LRRD1: variants seen among roughly 807,000 people sequenced by gnomAD.
LRRD1 encodes the protein leucine-rich repeat and death domain-containing protein 1.
A neutral mutation model predicts 69.5 loss-of-function variants in LRRD1; 49 were observed. The observed-to-expected ratio is 0.70, with a 90% confidence interval of 0.56 to 0.89. The LOEUF (loss-of-function observed/expected upper bound fraction) is 0.89. LRRD1 is among the 40% of genes least tolerant of loss of function. The pLI is 0.00. For synonymous variants in LRRD1, 303 were observed against 338.9 expected, an observed-to-expected ratio of 0.89 and a Z score of 1.16; for missense variants, 853 against 956.0, an observed-to-expected ratio of 0.89 and a Z score of 1.42.
intron 1 of LRRD1, among the ~76,000 whole-genome samples, chr7:92,168,666 A>C (rs1215598480): frequency 5.3e-5 from 8 of 152,254 alleles, no homozygotes; most frequent in Middle Eastern, 3.4e-3. Flanking sequence ...TGGAGAAAAA[A>C]AAAAAAAAAA....
chr7:92,149,429 T>C (rs1278233880), intron 4 of LRRD1, among the ~76,000 whole-genome samples: 2 of 152,096 alleles, frequency 1.3e-5, no homozygotes, highest in Non-Finnish European at 2.9e-5. Flanking sequence ...AAGTGGCAAA[T>C]CAGAGTCCTA....
chr7:92,146,926 A>T (rs1224976120), intron 4 of LRRD1, among the ~76,000 whole-genome samples: 2 of 143,148 alleles, frequency 1.4e-5, no homozygotes, highest in Admixed American at 8.5e-5. Flanking sequence ...CCGTCTCATA[A>T]AAAAAAAAAA....
chr7:92,145,100 ATAGT>A (rs1212111722), intron 5 of LRRD1, 26 bp from the exon 6 acceptor site: 9 of 1,129,480 alleles, frequency 8.0e-6, no homozygotes, highest in East Asian at 3.0e-5. Flanking sequence ...AATAATATTA[ATAGT>A]TAAATATTTA....
At position 92,165,133 on chromosome 7, in the gene LRRD1, ATC is replaced by A. The variant is rs966100264; in HGVS notation, c.68_69del (p.Arg23IlefsTer11). On this transcript the variant is annotated frameshift_variant, in exon 2 of 6. Transcript: ENST00000458448. LOFTEE classifies it high-confidence loss of function. Reference protein sequence around the residue: ...DTISQFRKESRSQSMKEPGFI... With the variant: ...DTISQFRKESXSQSMKEPGFI... Reference sequence around the variant, plus strand: ...AAGCCAGGCTCCTTCATTGACTGTGATCTAGATTCTTTCCTAAATTGACTAAT... The same window carrying A: ...AAGCCAGGCTCCTTCATTGACTGTGATAGATTCTTTCCTAAATTGACTAAT... 4 of 1,550,322 alleles carry A rather than the reference ATC, an allele frequency of 2.6e-6. No individual in the cohort carries two copies. The highest frequency in any genetic ancestry group is 2.6e-6 in the Non-Finnish European group (3 of 1,146,698).
chr7:92,161,095 A>G (rs542601783), intron 2 of LRRD1, among the ~76,000 whole-genome samples: 2 of 152,296 alleles, frequency 1.3e-5, no homozygotes, highest in Admixed American at 6.5e-5. Context: ...CCTTCTCAAC[A>G]TTTACTAGAG....
At chr7:92,167,831 G>C (rs1290555995) in intron 1 of LRRD1, among the ~76,000 whole-genome samples, 2 of 126,962 alleles carry the variant, frequency 1.6e-5, no homozygotes, top group African/African-American at 3.1e-5. Flanking sequence ...GAACCGAGAT[G>C]GCGCCATTGC....
At position 92,170,326 on chromosome 7, in the gene LRRD1, T is replaced by C. The variant is rs550499886; in HGVS notation, c.-74-5050A>G. ...TCTAGAGCAAGAGGTAGAAATCTTA[T>C]TGAAAGAAATAATAACAGAATACTC... On this transcript the variant is annotated intron_variant, in intron 1 of 5. Transcript: ENST00000458448. Among the ~76,000 whole-genome samples, 74 of 152,074 alleles carry C rather than the reference T, an allele frequency of 4.9e-4. 1 individual carries two copies. The highest frequency in any genetic ancestry group is 4.3e-4 in the Non-Finnish European group (29 of 68,022).
chr7:92,142,701 C>G (rs375300863), downstream of LRRD1: 1 of 407,590 alleles, frequency 2.5e-6, no homozygotes, highest in Non-Finnish European at 4.8e-6. Context: ...ATCGTGGTCT[C>G]GCTGGCTCAG....
intron 1 of LRRD1, among the ~76,000 whole-genome samples, chr7:92,167,239 G>A (rs1002336129): frequency 6.6e-6 from 1 of 151,832 alleles, no homozygotes; most frequent in Non-Finnish European, 1.5e-5. Flanking sequence ...GGGACTACAG[G>A]CGCACGCCAC....
chr7:92,144,406 A>T (rs1820259261), downstream of LRRD1, among the ~76,000 whole-genome samples: 1 of 152,140 alleles, frequency 6.6e-6, no homozygotes, highest in Non-Finnish European at 1.5e-5. Flanking sequence ...AGGCGGGCAG[A>T]TCACAAGGTC....
chr7:92,174,510 T>TATATGTATATATATA (rs1491100533), intron 1 of LRRD1, among the ~76,000 whole-genome samples: 1 of 12,610 alleles, frequency 7.9e-5, no homozygotes, highest in Non-Finnish European at 1.2e-4. Flanking sequence ...TATATATATA[T>TATATGTATATATATA]TTTTTTTTTT....
downstream of LRRD1, among the ~76,000 whole-genome samples, chr7:92,143,405 C>T (rs1057000106): frequency 8.0e-5 from 10 of 124,278 alleles, no homozygotes; most frequent in South Asian, 2.4e-4. Context: ...TGGGTCTGGG[C>T]GCCATGGAAC....
chr7:92,164,108 T>C lies in LRRD1; in HGVS notation c.1095A>G (p.Ser365=), dbSNP rs1323656195. 1.3e-6 allele frequency: 2 copies of C among 1,548,954 alleles called. No individual in the cohort carries two copies. Among genetic ancestry groups the C allele is most frequent in the Non-Finnish European group, 1.7e-6 (2 of 1,145,994 alleles). The change falls in exon 2 of 6, where the codon TCA becomes TCG. Residue 365 remains serine, a synonymous_variant. Coordinates refer to ENST00000458448, the MANE Select transcript of LRRD1 (RefSeq NM_001161528.2). ...QLADNKLEVI[S]HKIENFRELR... is the part of the protein sequence containing the mutation. Reference sequence around the variant, plus strand: ...GTTCCCTGAAATTCTCAATTTTGTGTGAAATAACTTCCAATTTATTGTCGG... The same window carrying C: ...GTTCCCTGAAATTCTCAATTTTGTGCGAAATAACTTCCAATTTATTGTCGG...
At chr7:92,142,848 A>T, downstream of LRRD1, 1 of 402,984 alleles carries the variant, frequency 2.5e-6, no homozygotes, top group South Asian at 1.8e-5. Flanking sequence ...TGAGTGTTAC[A>T]GCTCATAAAG....
intron 2 of LRRD1, among the ~76,000 whole-genome samples, chr7:92,160,540 G>C (rs773080614): frequency 6.6e-6 from 1 of 152,130 alleles, no homozygotes; most frequent in Non-Finnish European, 1.5e-5. Context: ...ATGAATAGGC[G>C]GCTGGGCTCG....
intron 2 of LRRD1, among the ~76,000 whole-genome samples, chr7:92,162,738 G>T (rs1299069751): frequency 6.6e-6 from 1 of 152,096 alleles, no homozygotes; most frequent in African/African-American, 2.4e-5. Context: ...TATAAATCAT[G>T]TACTGGTTAT....
chr7:92,147,980 G>C (rs1224139573), intron 4 of LRRD1, among the ~76,000 whole-genome samples: 4 of 152,226 alleles, frequency 2.6e-5, no homozygotes, highest in South Asian at 2.1e-4. Context: ...ACAGTGGCGG[G>C]ATCTCATCTC....
intron 2 of LRRD1, among the ~76,000 whole-genome samples, chr7:92,161,547 G>T (rs1788795672): frequency 6.6e-6 from 1 of 152,206 alleles, no homozygotes; most frequent in African/African-American, 2.4e-5. Context: ...ATAAATCTAT[G>T]CATGAAGTGA....
At chr7:92,165,626 C>T (rs371908776) in intron 1 of LRRD1, among the ~76,000 whole-genome samples, 5 of 151,924 alleles carry the variant, frequency 3.3e-5, no homozygotes, top group African/African-American at 7.2e-5. Flanking sequence ...TTTGGGAGGC[C>T]GAAGGGGCGG....
Sources: gnomAD v4.1 joint callset for allele counts (sites outside exome capture counted in the v4.1 genomes callset) on GRCh38, gnomAD v4.1.1 for gene constraint, MANE v1.5 for transcripts, NCBI Gene and HGNC (gene_info 2026-07-23, HGNC 2026-07-21) for gene names.